Variants in ITGB6 observed in about 807,000 individuals in gnomAD.
The protein encoded by ITGB6 is integrin subunit beta 6, also known as integrin beta-6.
A neutral mutation model predicts 84.5 loss-of-function variants in ITGB6; 80 were observed. That is an observed-to-expected ratio of 0.95 (90% CI 0.79 to 1.14). The LOEUF is 1.14. Among genes scored for constraint, ITGB6 ranks in the 50% most tolerant of loss-of-function variants. ITGB6 has a pLI of 0.00. For missense variants in ITGB6, 1,006 were observed against 968.0 expected, an observed-to-expected ratio of 1.04 and a Z score of -0.52; for synonymous variants, 383 against 354.9, an observed-to-expected ratio of 1.08 and a Z score of -0.89.
At chr2:160,124,999 C>T (rs1045553331) in intron 11 of ITGB6, among the ~76,000 whole-genome samples, 13 of 152,188 alleles carry the variant, frequency 8.5e-5, no homozygotes, top group African/African-American at 2.7e-4. Flanking sequence ...TGTCTTTGTG[C>T]ATCTCAATGA....
intron 12 of ITGB6, among the ~76,000 whole-genome samples, chr2:160,123,112 A>G (rs1260291682): frequency 6.6e-6 from 1 of 152,262 alleles, no homozygotes; most frequent in Non-Finnish European, 1.5e-5. Context: ...TTAAAAAACA[A>G]GCTATTTAAA....
At chr2:160,173,007 A>G (rs1300451026) in intron 5 of ITGB6, among the ~76,000 whole-genome samples, 1 of 152,172 alleles carries the variant, frequency 6.6e-6, no homozygotes, top group African/African-American at 2.4e-5. Context: ...ACTTTTACAT[A>G]GTTCAATTAT....
At chr2:160,118,706 G>T (rs1417112303) in intron 12 of ITGB6, among the ~76,000 whole-genome samples, 4 of 150,982 alleles carry the variant, frequency 2.6e-5, no homozygotes, top group African/African-American at 4.8e-5. Context: ...ATTCAATTAG[G>T]AAAAGAGGAA....
At chr2:160,137,887 A>C (rs1294624664) in intron 9 of ITGB6, 36 bp from the exon 10 acceptor site, 21 of 1,595,300 alleles carry the variant, frequency 1.3e-5, no homozygotes, top group Non-Finnish European at 1.7e-5. Context: ...CCCTCCATCC[A>C]CCAAAATGCA....
At position 160,112,116 on chromosome 2, in the gene ITGB6, CATT is replaced by C. The variant is rs1682553852; in HGVS notation, c.2062_2064del (p.Asn688del). ...ATGCTGTGAATGATGGTTTTCCCCT[CATT>C]ATCTGTAGTTATTAGGAATGTAATA... On this transcript the variant is annotated inframe_deletion, in exon 13 of 15. Coordinates refer to ENST00000283249, the MANE Select transcript of ITGB6 (RefSeq NM_000888.5). 1.9e-6 allele frequency: 3 copies of C among 1,613,198 alleles called. No individual in the cohort carries two copies. Among genetic ancestry groups the C allele is most frequent in the Non-Finnish European group, 1.7e-6 (2 of 1,179,688 alleles).
At chr2:160,160,156 T>A (rs1344381276) in intron 7 of ITGB6, among the ~76,000 whole-genome samples, 1 of 152,208 alleles carries the variant, frequency 6.6e-6, no homozygotes, top group East Asian at 1.9e-4. Context: ...GAGAGTTGAA[T>A]AATCATGACA....
chr2:160,149,385 A>G (rs1574088547), intron 7 of ITGB6, among the ~76,000 whole-genome samples: 1 of 152,236 alleles, frequency 6.6e-6, no homozygotes, highest in Non-Finnish European at 1.5e-5. Flanking sequence ...AAGGAAAACT[A>G]ACAAACAGAA....
chr2:160,114,517 G>T (rs895438876), intron 12 of ITGB6, among the ~76,000 whole-genome samples: 1 of 152,154 alleles, frequency 6.6e-6, no homozygotes, highest in South Asian at 2.1e-4. Flanking sequence ...TACAAAGCAG[G>T]GGGGTGGAGC....
In ITGB6 at chr2:160,137,508, T is replaced by C. The variant is rs749662298; in HGVS notation, c.1586A>G (p.Tyr529Cys). 1.9e-5 allele frequency: 30 copies of C among 1,614,070 alleles called. No individual in the cohort carries two copies. Among genetic ancestry groups the C allele is most frequent in the East Asian group, 4.5e-5 (2 of 44,902 alleles). Reference protein sequence around the residue: ...CGQCICHLSPYGNIYGPYCQC... With the variant: ...CGQCICHLSPCGNIYGPYCQC... ...GCAATAAGGCCCATAAATGTTTCCATAGGGAGACAAGTGGCAGATACACTG... is the reference window on the plus strand; with the variant it reads ...GCAATAAGGCCCATAAATGTTTCCACAGGGAGACAAGTGGCAGATACACTG... Residue 529 changes from tyrosine to cysteine, a missense_variant, in exon 10 of 15, where the codon TAT becomes TGT. Tyr to Cys is a radical substitution (Grantham distance 194, BLOSUM62 -2). Coordinates refer to ENST00000283249, the MANE Select transcript of ITGB6 (RefSeq NM_000888.5).
At chr2:160,122,005 T>G (rs1215976956) in intron 12 of ITGB6, among the ~76,000 whole-genome samples, 2 of 151,754 alleles carry the variant, frequency 1.3e-5, no homozygotes, top group Middle Eastern at 3.2e-3. Context: ...TTCAAGGTAG[T>G]ATGATCAGTA....
chr2:160,151,052 C>T (rs1684395229), intron 7 of ITGB6, among the ~76,000 whole-genome samples: 1 of 152,112 alleles, frequency 6.6e-6, no homozygotes, highest in African/African-American at 2.4e-5. Context: ...AGAAGCTTAA[C>T]AAGGATATCC....
chr2:160,134,109 T>C (rs1156843748), intron 10 of ITGB6, among the ~76,000 whole-genome samples: 2 of 152,150 alleles, frequency 1.3e-5, no homozygotes, highest in South Asian at 2.1e-4. Flanking sequence ...AATCAATGAA[T>C]CCAGGAGCTG....
intron 12 of ITGB6, among the ~76,000 whole-genome samples, chr2:160,118,616 G>GCC (rs1682887741): frequency 6.6e-6 from 1 of 152,132 alleles, no homozygotes; most frequent in Admixed American, 6.6e-5. Context: ...AGACAGGGAT[G>GCC]CCCTGTCTCA....
chr2:160,109,492 T>C (rs1697037970), intron 13 of ITGB6, among the ~76,000 whole-genome samples: 1 of 152,168 alleles, frequency 6.6e-6, no homozygotes, highest in Non-Finnish European at 1.5e-5. Flanking sequence ...TTAGGAGGGT[T>C]CTCCAGGAGG....
At chr2:160,141,035 A>G (rs1393929747) in intron 8 of ITGB6, among the ~76,000 whole-genome samples, 1 of 152,180 alleles carries the variant, frequency 6.6e-6, no homozygotes, top group Non-Finnish European at 1.5e-5. Context: ...ATGCTGGTTC[A>G]GTACATGCTA....
intron 4 of ITGB6, among the ~76,000 whole-genome samples, chr2:160,186,291 A>C (rs1440122613): frequency 6.7e-6 from 1 of 150,232 alleles, no homozygotes; most frequent in African/African-American, 2.5e-5. Context: ...AAAAAACATC[A>C]AAAAGTCGGC....
chr2:160,187,138 C>T lies in ITGB6; in HGVS notation c.593+8231G>A, dbSNP rs2105888136. Reference sequence around the variant, plus strand: ...AATAATAATAAAAAATAGAAAAAAACAATACTTCTCAATACTTTAAGATTT... The same window carrying T: ...AATAATAATAAAAAATAGAAAAAAATAATACTTCTCAATACTTTAAGATTT... On this transcript the variant is annotated intron_variant, in intron 4 of 14. Coordinates refer to ENST00000283249, the MANE Select transcript of ITGB6 (RefSeq NM_000888.5). Among the ~76,000 whole-genome samples, 6 of 151,934 alleles carry T rather than the reference C, an allele frequency of 3.9e-5. No individual in the cohort carries two copies. The South Asian group carries it at 1.2e-3, about 32-fold the overall frequency.
At chr2:160,134,070 G>T (rs1683594440) in intron 10 of ITGB6, among the ~76,000 whole-genome samples, 1 of 152,166 alleles carries the variant, frequency 6.6e-6, no homozygotes, top group South Asian at 2.1e-4. Context: ...AGAACTGAAG[G>T]AAACAGAGAC....
At chr2:160,189,465 G>T (rs1321524992) in intron 4 of ITGB6, among the ~76,000 whole-genome samples, 4 of 152,020 alleles carry the variant, frequency 2.6e-5, no homozygotes, top group Non-Finnish European at 2.9e-5. Flanking sequence ...CTGACAAAGG[G>T]CTAATATCCA....
Sources: allele counts gnomAD v4.1 joint callset (sites outside exome capture counted in the v4.1 genomes callset), GRCh38; gene constraint gnomAD v4.1.1; transcripts MANE v1.5; gene names NCBI Gene and HGNC (gene_info 2026-07-23, HGNC 2026-07-21).